The following CREB5 variants were observed in gnomAD, a reference collection of about 807,000 sequenced individuals.
CREB5 encodes the protein cyclic AMP-responsive element-binding protein 5.
Under a neutral mutation model 57.1 loss-of-function variants are expected in CREB5, and 19 were observed. The ratio of observed to expected loss-of-function variants is 0.33; its 90% confidence interval spans 0.23 to 0.49. The LOEUF is 0.49. Among genes scored for constraint, CREB5 ranks in the 20% least tolerant of loss-of-function variants. The pLI is 0.99. For synonymous variants in CREB5, 238 were observed against 238.3 expected, an observed-to-expected ratio of 1.00 and a Z score of 0.01; for missense variants, 579 against 671.6, an observed-to-expected ratio of 0.86 and a Z score of 1.52.
intron 4 of CREB5, among the ~76,000 whole-genome samples, chr7:28,567,615 G>A (rs902697548): frequency 6.6e-6 from 1 of 152,214 alleles, no homozygotes; most frequent in African/African-American, 2.4e-5. Flanking sequence ...AAAGGAAAAG[G>A]AGATGGTGCC....
chr7:28,798,203 A>C (rs1377773871), intron 7 of CREB5, among the ~76,000 whole-genome samples: 1 of 152,078 alleles, frequency 6.6e-6, no homozygotes, highest in Non-Finnish European at 1.5e-5. Flanking sequence ...CCTCACTCTC[A>C]CTCAATTGAA....
At chr7:28,321,931 A>G (rs1338810667) in intron 1 of CREB5, among the ~76,000 whole-genome samples, 1 of 152,218 alleles carries the variant, frequency 6.6e-6, no homozygotes, top group African/African-American at 2.4e-5. Flanking sequence ...AATCAACGAA[A>G]TCCCATTTTG....
At chr7:28,752,188 C>A (rs142659599) in intron 7 of CREB5, among the ~76,000 whole-genome samples, 1 of 152,024 alleles carries the variant, frequency 6.6e-6, no homozygotes, top group African/African-American at 2.4e-5. Context: ...TTTTTTGGAA[C>A]GGAGTTTCAC....
chr7:28,699,519 C>T (rs971754312), intron 5 of CREB5, among the ~76,000 whole-genome samples: 4 of 152,146 alleles, frequency 2.6e-5, no homozygotes, highest in Non-Finnish European at 5.9e-5. Context: ...GAGGAAATGT[C>T]ACATTAAACT....
chr7:28,590,959 A>G (rs1796490303), intron 5 of CREB5, among the ~76,000 whole-genome samples: 1 of 152,176 alleles, frequency 6.6e-6, no homozygotes, highest in Non-Finnish European at 1.5e-5. Context: ...TGTATAGTTA[A>G]TTTAGAAAGA....
intron 5 of CREB5, among the ~76,000 whole-genome samples, chr7:28,592,376 G>A (rs1024455452): frequency 1.2e-4 from 18 of 152,158 alleles, no homozygotes; most frequent in African/African-American, 4.1e-4. Flanking sequence ...AAGAGAGACC[G>A]GTATCTCCAT....
intron 1 of CREB5, among the ~76,000 whole-genome samples, chr7:28,319,953 C>T (rs1250898451): frequency 6.6e-6 from 1 of 151,560 alleles, no homozygotes; most frequent in Non-Finnish European, 1.5e-5. Context: ...TTTTTTGAGA[C>T]AAGTTCTCGC....
intron 5 of CREB5, among the ~76,000 whole-genome samples, chr7:28,580,952 C>G (rs1164307871): frequency 6.6e-6 from 1 of 152,126 alleles, no homozygotes; most frequent in Non-Finnish European, 1.5e-5. Context: ...ACTCAGGAAG[C>G]TTTTTTGATT....
intron 5 of CREB5, among the ~76,000 whole-genome samples, chr7:28,632,073 G>A (rs1323427974): frequency 6.6e-6 from 1 of 152,136 alleles, no homozygotes; most frequent in Non-Finnish European, 1.5e-5. Flanking sequence ...AAATAGCACT[G>A]GCCACTTCCA....
At chr7:28,610,771 C>T (rs1198550643) in intron 5 of CREB5, among the ~76,000 whole-genome samples, 2 of 152,068 alleles carry the variant, frequency 1.3e-5, no homozygotes, top group Non-Finnish European at 2.9e-5. Context: ...CAGGAAGTGG[C>T]CTTGGAAAGT....
intron 1 of CREB5, among the ~76,000 whole-genome samples, chr7:28,417,902 G>A (rs1788088873): frequency 6.6e-6 from 1 of 152,182 alleles, no homozygotes; most frequent in African/African-American, 2.4e-5. Flanking sequence ...TCTGTTTTGT[G>A]TAACTTTCAA....
chr7:28,651,997 C>T (rs1030372077), intron 5 of CREB5, among the ~76,000 whole-genome samples: 5 of 152,132 alleles, frequency 3.3e-5, no homozygotes, highest in African/African-American at 1.2e-4. Context: ...GTTTGACCTA[C>T]TGGCTTTTGG....
At chr7:28,605,982 G>A (rs1333547364) in intron 5 of CREB5, among the ~76,000 whole-genome samples, 12 of 152,124 alleles carry the variant, frequency 7.9e-5, no homozygotes, top group Non-Finnish European at 1.3e-4. Flanking sequence ...AAAACTCAAC[G>A]ACTGAACACT....
At chr7:28,580,482 T>C (rs2128656278) in intron 5 of CREB5, among the ~76,000 whole-genome samples, 1 of 143,150 alleles carries the variant, frequency 7.0e-6, no homozygotes, top group Non-Finnish European at 1.5e-5. Flanking sequence ...CTGCTACTTA[T>C]TTAACGCAGC....
At chr7:28,526,650 C>A (rs1317645564) in intron 4 of CREB5, among the ~76,000 whole-genome samples, 1 of 152,150 alleles carries the variant, frequency 6.6e-6, no homozygotes, top group Non-Finnish European at 1.5e-5. Context: ...AAGCAGAGTC[C>A]ATGGTTTAGG....
Position 28,612,543 on chromosome 7 carries a change from GGTGTGTGTGTGTGTGTGTGT to G in CREB5, c.464+42033_464+42052del, listed in dbSNP as rs59074697. Reference sequence around the variant, plus strand: ...TGTATTCCTGGCCATTTAGAGAAGGGGTGTGTGTGTGTGTGTGTGTGTGTGTGTGTGTGTGTGTGTGTGTG... The same window carrying G: ...TGTATTCCTGGCCATTTAGAGAAGGGGTGTGTGTGTGTGTGTGTGTGTGTG... On this transcript the variant is annotated intron_variant, in intron 5 of 10. Coordinates refer to ENST00000357727, the MANE Select transcript of CREB5 (RefSeq NM_182898.4). 3.6e-5 allele frequency among the ~76,000 whole-genome samples: 5 copies of G among 137,296 alleles called. No homozygotes were observed. In the East Asian group the frequency reaches 8.7e-4, roughly 24 times the overall value. 90.1% of individuals were successfully genotyped at this position (137,296 alleles called of 152,430 possible).
chr7:28,658,955 A>ATATATATATATATATATATATG (rs1554281544), intron 5 of CREB5, among the ~76,000 whole-genome samples: 23 of 47,490 alleles, frequency 4.8e-4, no homozygotes, highest in South Asian at 6.6e-4. Context: ...GTGTGTGTGT[A>ATATATATATATATATATATATG]TATATATATA....
chr7:28,543,959 G>A (rs1313060869), intron 4 of CREB5, among the ~76,000 whole-genome samples: 1 of 148,958 alleles, frequency 6.7e-6, no homozygotes, highest in Non-Finnish European at 1.5e-5. Flanking sequence ...TCGTATGAGT[G>A]CCATGAGCAT....
At chr7:28,775,542 C>CAATATATATATATATATATATATATA in intron 7 of CREB5, among the ~76,000 whole-genome samples, 1 of 54,840 alleles carries the variant, frequency 1.8e-5, no homozygotes, top group East Asian at 1.6e-3. Context: ...TATTCCTTAG[C>CAATATATATATATATATATATATATA]CATATATATA....
Sources: gnomAD v4.1 joint callset for allele counts (sites outside exome capture counted in the v4.1 genomes callset) on GRCh38, gnomAD v4.1.1 for gene constraint, MANE v1.5 for transcripts, NCBI Gene and HGNC (gene_info 2026-07-23, HGNC 2026-07-21) for gene names.